The following SAMD12 variants were observed in gnomAD, a reference collection of about 807,000 sequenced individuals.
SAMD12 encodes sterile alpha motif domain-containing protein 12.
In SAMD12, 9 loss-of-function variants were observed where a neutral mutation model predicts 15.0. The observed-to-expected ratio is 0.60, with a 90% CI of 0.36 to 1.05. SAMD12 has a LOEUF of 1.05. SAMD12 is among the 50% of genes least tolerant of loss of function. The probability of loss-of-function intolerance (pLI) is 0.01; values close to 1 mark genes in which losing one functional copy is unlikely to be tolerated. For missense variants in SAMD12, 230 were observed against 234.2 expected (o/e 0.98, Z 0.12); for synonymous variants, 86 against 90.1 (o/e 0.96, Z 0.25).
Position 118,379,082 on chromosome 8 carries a change from A to G in SAMD12, c.*335T>C. On this transcript the variant is annotated 3_prime_UTR_variant, in exon 4 of 4. Transcript: ENST00000314727. ...TTTCTCCCACTAACCGGTGAAAAGC[A>G]AAACAAAAATACAACAAAAACTCCA... is the stretch of plus-strand genomic sequence containing the variant. The G allele has an allele frequency of 9.5e-7, 1 of 1,057,630 alleles. No individual in the cohort carries two copies. The highest frequency in any genetic ancestry group is 1.1e-6 in the Non-Finnish European group (1 of 873,564). 65.5% of individuals were successfully genotyped at this position (1,057,630 alleles called of 1,614,324 possible). A position where few individuals can be genotyped will look rare whatever the true frequency, so the allele number is the denominator to read the frequency against.
chr8:118,185,053 G>T (rs932094135), downstream of SAMD12, among the ~76,000 whole-genome samples: 1 of 151,886 alleles, frequency 6.6e-6, no homozygotes, highest in Non-Finnish European at 1.5e-5. Flanking sequence ...CTATGTGCTT[G>T]TATCATTGCT....
At chr8:118,488,323 GA>G (rs1261114451) in intron 2 of SAMD12, among the ~76,000 whole-genome samples, 2 of 152,096 alleles carry the variant, frequency 1.3e-5, no homozygotes, top group Non-Finnish European at 2.9e-5. Flanking sequence ...ACTCTCCAAA[GA>G]GACTCAGAAC....
intron 2 of SAMD12, among the ~76,000 whole-genome samples, chr8:118,470,741 G>A (rs906681554): frequency 2.6e-5 from 4 of 152,068 alleles, no homozygotes; most frequent in Non-Finnish European, 5.9e-5. Flanking sequence ...TATAAATTAG[G>A]GAAGTGAATG....
chr8:118,440,528 A>C (rs1452690318), intron 2 of SAMD12, among the ~76,000 whole-genome samples: 2 of 152,104 alleles, frequency 1.3e-5, no homozygotes, highest in Non-Finnish European at 2.9e-5. Context: ...GGGGAAGCAA[A>C]AAGTCAATTC....
At chr8:118,486,599 T>C (rs1045642622) in intron 2 of SAMD12, among the ~76,000 whole-genome samples, 6 of 152,078 alleles carry the variant, frequency 3.9e-5, no homozygotes, top group Admixed American at 6.6e-5. Context: ...GAAAGGAAAG[T>C]GGCCCTGCTT....
exon 5 of SAMD12, chr8:118,194,977 ATGGAATATGTG>A (rs1819517833): frequency 6.6e-6 from 1 of 152,230 alleles, no homozygotes; most frequent in East Asian, 1.9e-4. Flanking sequence ...ATATGCAAAT[ATGGAATATGTG>A]CCAGGCATTA....
chr8:118,471,318 C>T (rs1180042715), intron 2 of SAMD12, among the ~76,000 whole-genome samples: 3 of 152,068 alleles, frequency 2.0e-5, no homozygotes, highest in African/African-American at 7.2e-5. Context: ...ATTCAATTAC[C>T]TAGTCTGCAG....
chr8:118,334,226 C>T (rs944368236), intron 4 of SAMD12, among the ~76,000 whole-genome samples: 1 of 152,198 alleles, frequency 6.6e-6, no homozygotes, highest in Non-Finnish European at 1.5e-5. Flanking sequence ...AGGCACCAAT[C>T]GGTGAGCTCT....
chr8:118,590,492 T>G (rs1299987812), intron 1 of SAMD12, among the ~76,000 whole-genome samples: 1 of 152,224 alleles, frequency 6.6e-6, no homozygotes, highest in Non-Finnish European at 1.5e-5. Context: ...CCTGCGATTG[T>G]GTCAGAGGAA....
intron 4 of SAMD12, among the ~76,000 whole-genome samples, chr8:118,344,690 G>A (rs888620663): frequency 1.3e-5 from 2 of 152,234 alleles, no homozygotes; most frequent in African/African-American, 4.8e-5. Flanking sequence ...CGACTAGACA[G>A]TAAAGTCCTT....
chr8:118,333,888 G>A (rs1191455335), intron 4 of SAMD12, among the ~76,000 whole-genome samples: 1 of 147,894 alleles, frequency 6.8e-6, no homozygotes. Context: ...GCGTTGGTGG[G>A]GGATATGTGT....
the SAMD12 span, among the ~76,000 whole-genome samples, chr8:118,160,348 C>T: frequency 6.6e-6 from 1 of 152,128 alleles, no homozygotes; most frequent in Non-Finnish European, 1.5e-5. Flanking sequence ...CAGTGAAAAT[C>T]CATAAGACTT....
intron 4 of SAMD12, among the ~76,000 whole-genome samples, chr8:118,335,955 G>A (rs1293465791): frequency 1.3e-5 from 2 of 152,124 alleles, no homozygotes; most frequent in African/African-American, 4.8e-5. Flanking sequence ...TAACTCCTGG[G>A]CTCAAGCAAT....
chr8:118,535,663 C>T (rs1042856921), intron 2 of SAMD12, among the ~76,000 whole-genome samples: 5 of 152,244 alleles, frequency 3.3e-5, no homozygotes, highest in Admixed American at 1.3e-4. Flanking sequence ...GCCCCTCCCC[C>T]AGCCATGCTG....
intron 4 of SAMD12, among the ~76,000 whole-genome samples, chr8:118,367,477 T>G (rs1307257595): frequency 6.6e-6 from 1 of 152,218 alleles, no homozygotes; most frequent in African/African-American, 2.4e-5. Flanking sequence ...AATGTAACAT[T>G]AGTAATTTAA....
At chr8:118,243,920 G>T (rs1812626880) in intron 4 of SAMD12, among the ~76,000 whole-genome samples, 1 of 152,076 alleles carries the variant, frequency 6.6e-6, no homozygotes, top group Admixed American at 6.6e-5. Flanking sequence ...TTCTTTCATT[G>T]GCTCCCACAA....
intron 2 of SAMD12, among the ~76,000 whole-genome samples, chr8:118,532,152 G>A (rs902521470): frequency 6.6e-6 from 1 of 152,102 alleles, no homozygotes; most frequent in Non-Finnish European, 1.5e-5. Context: ...GTTGAAATTT[G>A]TTGAATTTTG....
chr8:118,516,347 GTGA>G (rs947457368), intron 2 of SAMD12, among the ~76,000 whole-genome samples: 1 of 152,176 alleles, frequency 6.6e-6, no homozygotes. Flanking sequence ...ATTGGCTATT[GTGA>G]TGATATCTCA....
chr8:118,300,300 C>A (rs1395428140), intron 4 of SAMD12, among the ~76,000 whole-genome samples: 1 of 152,182 alleles, frequency 6.6e-6, no homozygotes, highest in Non-Finnish European at 1.5e-5. Context: ...ACAAATCTCT[C>A]CCTATTCCTC....
Sources: allele counts gnomAD v4.1 joint callset (sites outside exome capture counted in the v4.1 genomes callset), GRCh38; gene constraint gnomAD v4.1.1; transcripts MANE v1.5; gene names NCBI Gene and HGNC (gene_info 2026-07-23, HGNC 2026-07-21).